PIGB: variants seen among roughly 807,000 people sequenced by gnomAD.
PIGB encodes the protein GPI alpha-1,2-mannosyltransferase 3.
In PIGB, 58 loss-of-function variants were observed where a neutral mutation model predicts 68.4. The ratio of observed to expected loss-of-function variants is 0.85; its 90% CI spans 0.69 to 1.06. The LOEUF is 1.06. Among genes scored for constraint, PIGB ranks in the 50% least tolerant of loss-of-function variants. The pLI is 0.00. For missense variants in PIGB, 634 were observed against 655.8 expected, an observed-to-expected ratio of 0.97 and a Z score of 0.36; for synonymous variants, 219 against 220.5, an observed-to-expected ratio of 0.99 and a Z score of 0.06.
intron 4 of PIGB, among the ~76,000 whole-genome samples, chr15:55,328,953 C>T (rs2055351230): frequency 6.6e-6 from 1 of 151,508 alleles, no homozygotes; most frequent in Non-Finnish European, 1.5e-5. Context: ...AAGACTCCTT[C>T]TCGAAGAAAA....
chr15:55,337,076 G>T (rs1406893962), intron 6 of PIGB, among the ~76,000 whole-genome samples: 1 of 152,036 alleles, frequency 6.6e-6, no homozygotes, highest in Non-Finnish European at 1.5e-5. Flanking sequence ...TATTGAAAAG[G>T]TTTCATCAGG....
chr15:55,319,606 T>A (rs79666778), intron 1 of PIGB, 193 bp downstream of exon 1: 27,548 of 523,290 alleles, frequency 0.053, 1,351 homozygotes, highest in African/African-American at 0.2. Flanking sequence ...TTCAATTTTT[T>A]AAAAAATACT....
At position 55,344,103 on chromosome 15, in the gene PIGB, A is replaced by T. The variant is rs186458776; in HGVS notation, c.1123+2301A>T. Among the ~76,000 whole-genome samples, 17 of 152,368 alleles carry T rather than the reference A, an allele frequency of 1.1e-4. No homozygotes were observed. In the East Asian group the frequency reaches 2.5e-3, roughly 22 times the overall value. Reference sequence around the variant, plus strand: ...TAACCTATTTTTATGTAAACATGACAACTCTGTCAGCCATTGCTGTGTAAA... The same window carrying T: ...TAACCTATTTTTATGTAAACATGACTACTCTGTCAGCCATTGCTGTGTAAA... On this transcript the variant is annotated intron_variant, in intron 9 of 11. Transcript: ENST00000164305.
intron 9 of PIGB, 131 bp from the exon 10 acceptor site, chr15:55,350,568 T>G: frequency 1.5e-6 from 1 of 676,082 alleles, no homozygotes; most frequent in Non-Finnish European, 2.6e-6. Flanking sequence ...ATATGACTTA[T>G]TGCTTATTTC....
Position 55,319,329 on chromosome 15 carries a change from C to T in PIGB, c.79C>T (p.Arg27Cys). Residue 27 changes from arginine to cysteine, a missense_variant, in exon 1 of 12, where the codon CGC becomes TGC. Transcript: ENST00000164305. ...ASLTLHGLQNRSHGKIKLRKR... is the reference protein window; with the variant it reads ...ASLTLHGLQNCSHGKIKLRKR... ...CCTCACTTTGCATGGTCTCCAGAAC[C>T]GCTCCCACGGCAAGATAAAGCTGCG... is the stretch of plus-strand genomic sequence containing the variant. The T allele has an allele frequency of 1.3e-6, 2 of 1,589,796 alleles. No individual in the cohort carries two copies. The highest frequency in any genetic ancestry group is 1.1e-5 in the South Asian group (1 of 86,996).
intron 5 of PIGB, among the ~76,000 whole-genome samples, chr15:55,330,927 A>C (rs1020052904): frequency 2.6e-5 from 4 of 152,228 alleles, no homozygotes; most frequent in Non-Finnish European, 4.4e-5. Flanking sequence ...TAAGGCTAAA[A>C]GGGAAAATGG....
Position 55,350,748 on chromosome 15 carries a change from C to A in PIGB, c.1173C>A (p.Phe391Leu). 1 of 1,613,640 alleles carries A rather than the reference C, an allele frequency of 6.2e-7. No individual in the cohort carries two copies. Among genetic ancestry groups the A allele is most frequent in the Non-Finnish European group, 8.5e-7 (1 of 1,179,718 alleles). ...CATGGAAGAAACCAGCTCTAAGTTTCCTGTTTTTATCAAATTTGTTCCTCG... is the reference window on the plus strand; with the variant it reads ...CATGGAAGAAACCAGCTCTAAGTTTACTGTTTTTATCAAATTTGTTCCTCG... ...LKTWKKPALS[F>L]LFLSNLFLAL... Residue 391 changes from phenylalanine to leucine, a missense_variant, in exon 10 of 12, where the codon TTC becomes TTA. Transcript: ENST00000164305.
intron 3 of PIGB, among the ~76,000 whole-genome samples, chr15:55,326,437 A>G (rs940425798): frequency 2.6e-5 from 4 of 152,160 alleles, no homozygotes; most frequent in African/African-American, 7.2e-5. Flanking sequence ...CATCTATAAA[A>G]CAGTTCTTGA....
At position 55,319,272 on chromosome 15, in the gene PIGB, T is replaced by A; in HGVS notation, c.22T>A (p.Cys8Ser). 6.2e-7 allele frequency: 1 copy of A among 1,607,418 alleles called. No individual in the cohort carries two copies. Among genetic ancestry groups the A allele is most frequent in the Non-Finnish European group, 8.5e-7 (1 of 1,177,476 alleles). ...AGGGATGAGGAGGCCCCTAAGCAAG[T>A]GCGGAATGGAGCCGGGGGGCGGAGA... MRRPLSK[C>S]GMEPGGGDAS... The change falls in exon 1 of 12, where the codon TGC (cysteine) becomes AGC (serine). Residue 8 changes from cysteine to serine, a missense_variant. Physicochemically the swap from Cys to Ser is moderately radical, Grantham distance 112 (BLOSUM62 -1). Coordinates refer to ENST00000164305, the MANE Select transcript of PIGB (RefSeq NM_004855.5).
At chr15:55,333,141 T>A (rs921327335) in intron 5 of PIGB, among the ~76,000 whole-genome samples, 1 of 152,160 alleles carries the variant, frequency 6.6e-6, no homozygotes, top group Non-Finnish European at 1.5e-5. Flanking sequence ...GTAAAAAGCA[T>A]GCTTTTTAGC....
intron 3 of PIGB, among the ~76,000 whole-genome samples, chr15:55,322,210 C>T (rs1487461775): frequency 6.6e-6 from 1 of 151,728 alleles, no homozygotes; most frequent in Non-Finnish European, 1.5e-5. Flanking sequence ...TTGAGAGCAC[C>T]GTTGTATTTT....
chr15:55,328,100 G>A (rs1181606653), intron 4 of PIGB, among the ~76,000 whole-genome samples: 1 of 152,164 alleles, frequency 6.6e-6, no homozygotes, highest in Non-Finnish European at 1.5e-5. Flanking sequence ...GTATTAGGTT[G>A]GTGCAAAAGT....
intron 1 of PIGB, 35 bp downstream of exon 1, chr15:55,319,448 C>T: frequency 6.6e-7 from 1 of 1,517,734 alleles, no homozygotes; most frequent in Non-Finnish European, 8.9e-7. Context: ...GAGCTCCTAC[C>T]CCCATCTAAA....
At position 55,329,251 on chromosome 15, in the gene PIGB, T is replaced by C. The variant is rs532715707; in HGVS notation, c.523-473T>C. On this transcript the variant is annotated intron_variant, in intron 4 of 11. Coordinates refer to ENST00000164305, the MANE Select transcript of PIGB (RefSeq NM_004855.5). ...CCTCTTTCCTCTTTTGTCTTAATTTTTCATCAGCGTTCCAAAACAGGGAGA... is the reference window on the plus strand; with the variant it reads ...CCTCTTTCCTCTTTTGTCTTAATTTCTCATCAGCGTTCCAAAACAGGGAGA... 5.4e-4 allele frequency among the ~76,000 whole-genome samples: 82 copies of C among 151,342 alleles called. 1 individual carries two copies. The highest frequency in any genetic ancestry group is 1.9e-3 in the African/African-American group (78 of 41,506).
chr15:55,342,682 C>T lies in PIGB; in HGVS notation c.1123+880C>T, dbSNP rs536030473. Among the ~76,000 whole-genome samples, 18 of 152,318 alleles carry T rather than the reference C, an allele frequency of 1.2e-4. No homozygotes were observed. In the South Asian group the frequency reaches 1.4e-3, roughly 12 times the overall value. On this transcript the variant is annotated intron_variant, in intron 9 of 11. Coordinates refer to ENST00000164305, the MANE Select transcript of PIGB (RefSeq NM_004855.5). The stretch of plus-strand genomic sequence containing the variant: ...TGCTGGGATTGCAGGCGTGAGCCAC[C>T]GCGCCCAGCCTGGCATATGCCATTT...
chr15:55,319,358 G>A lies in PIGB; in HGVS notation c.108G>A (p.Lys36=), dbSNP rs762660494. 1 of 1,562,814 alleles carries A rather than the reference G, an allele frequency of 6.4e-7. No individual in the cohort carries two copies. The highest frequency in any genetic ancestry group is 8.7e-7 in the Non-Finnish European group (1 of 1,152,862). Residue 36 remains lysine (K), a synonymous_variant, in exon 1 of 12, where the codon AAG becomes AAA. Transcript: ENST00000164305. ...NRSHGKIKLR[K]RKSTLYFNTQ... ...CCCACGGCAAGATAAAGCTGCGAAA[G>A]AGAAAGTCTACCTTGTACTTCAACA...
At position 55,341,677 on chromosome 15, in the gene PIGB, T is replaced by A. The variant is rs191915132; in HGVS notation, c.1059-61T>A. Reference sequence around the variant, plus strand: ...ATATTTTATATTAAATATATTACTTTCTCAATCTATCATATAACATGATAA... The same window carrying A: ...ATATTTTATATTAAATATATTACTTACTCAATCTATCATATAACATGATAA... On this transcript the variant is annotated intron_variant, in intron 8 of 11. Transcript: ENST00000164305. 23 of 589,226 alleles carry A rather than the reference T, an allele frequency of 3.9e-5. No homozygotes were observed. The Admixed American group carries it at 4.9e-4, about 12-fold the overall frequency. 36.5% of individuals were successfully genotyped at this position (589,226 alleles called of 1,614,324 possible).
In PIGB at chr15:55,333,991, C is replaced by G; in HGVS notation, c.778C>G (p.His260Asp). 1 of 1,600,872 alleles carries G rather than the reference C, an allele frequency of 6.2e-7. No homozygotes were observed. Among genetic ancestry groups the G allele is most frequent in the South Asian group, 1.1e-5 (1 of 88,546 alleles). Residue 260 changes from histidine (H) to aspartate (D), a missense_variant, in exon 6 of 12, where the codon CAT becomes GAT. Physicochemically the swap from His to Asp is moderately conservative, Grantham distance 81. Transcript: ENST00000164305. ...AAGAAAGCTTGATCTTATTCTACATCATTTTTTACCTGTAGGGTAAGTGTG... is the reference window on the plus strand; with the variant it reads ...AAGAAAGCTTGATCTTATTCTACATGATTTTTTACCTGTAGGGTAAGTGTG... ...EPRKLDLILH[H>D]FLPVGFVTLS...
At chr15:55,337,568 C>T (rs2055565893) in intron 6 of PIGB, among the ~76,000 whole-genome samples, 1 of 152,146 alleles carries the variant, frequency 6.6e-6, no homozygotes, top group Non-Finnish European at 1.5e-5. Context: ...AACCATGCCC[C>T]ACTCCCACCC....
Sources: allele counts gnomAD v4.1 joint callset (sites outside exome capture counted in the v4.1 genomes callset), GRCh38; gene constraint gnomAD v4.1.1; transcripts MANE v1.5; gene names NCBI Gene and HGNC (gene_info 2026-07-23, HGNC 2026-07-21).